Variants in PRKN observed in about 807,000 individuals in gnomAD.
PRKN encodes parkin RBR E3 ubiquitin protein ligase.
PRKN carries 56 observed loss-of-function variants against 59.5 expected under a neutral mutation model. The observed-to-expected ratio is 0.94, with a 90% CI of 0.76 to 1.18. The LOEUF (loss-of-function observed/expected upper bound fraction) is 1.18, where lower values mean the gene tolerates loss of function less well. PRKN is among the 50% of genes most tolerant of loss of function. The pLI is 0.00. For synonymous variants in PRKN, 250 were observed against 222.1 expected, an observed-to-expected ratio of 1.13 and a Z score of -1.12; for missense variants, 657 against 596.4, an observed-to-expected ratio of 1.10 and a Z score of -1.06.
At chr6:161,494,209 G>A (rs1777660500) in intron 9 of PRKN, among the ~76,000 whole-genome samples, 1 of 152,090 alleles carries the variant, frequency 6.6e-6, no homozygotes, top group South Asian at 2.1e-4. Context: ...ATGCCCACTG[G>A]GTTACTCAGT....
intron 1 of PRKN, among the ~76,000 whole-genome samples, chr6:162,599,605 G>A (rs35760705): frequency 0.12 from 18,849 of 152,142 alleles, 1,295 homozygotes; most frequent in Middle Eastern, 0.2. Flanking sequence ...GGCAGGCTGC[G>A]TGGGTTATTC....
intron 5 of PRKN, among the ~76,000 whole-genome samples, chr6:162,019,598 C>T (rs1582903960): frequency 1.3e-5 from 2 of 152,152 alleles, no homozygotes; most frequent in African/African-American, 4.8e-5. Context: ...CTGAAGAGTG[C>T]TTCTGGAGCT....
intron 2 of PRKN, among the ~76,000 whole-genome samples, chr6:162,378,307 T>G (rs1460490534): frequency 6.6e-6 from 1 of 152,242 alleles, no homozygotes; most frequent in Non-Finnish European, 1.5e-5. Flanking sequence ...TCGTTCTTCC[T>G]AAATCCCAGA....
At chr6:162,256,272 C>A (rs1017832135) in intron 3 of PRKN, among the ~76,000 whole-genome samples, 1 of 152,000 alleles carries the variant, frequency 6.6e-6, no homozygotes, top group African/African-American at 2.4e-5. Context: ...TTCTGTTTTT[C>A]TTACATAAGT....
intron 6 of PRKN, among the ~76,000 whole-genome samples, chr6:161,949,950 C>A (rs1779925421): frequency 6.6e-6 from 1 of 152,188 alleles, no homozygotes; most frequent in African/African-American, 2.4e-5. Context: ...CTTTGCAAAG[C>A]ATCTCCTCAT....
chr6:162,287,545 G>A (rs1781249623), intron 2 of PRKN, among the ~76,000 whole-genome samples: 2 of 152,066 alleles, frequency 1.3e-5, no homozygotes, highest in Admixed American at 6.6e-5. Context: ...TCCAGCCCGG[G>A]CAACAGAGAG....
At chr6:161,708,138 T>C (rs1171058900) in intron 7 of PRKN, among the ~76,000 whole-genome samples, 1 of 152,104 alleles carries the variant, frequency 6.6e-6, no homozygotes, top group Non-Finnish European at 1.5e-5. Context: ...ATTATAATGA[T>C]AGAATTAGTG....
intron 6 of PRKN, among the ~76,000 whole-genome samples, chr6:161,873,404 A>G (rs1351385174): frequency 6.6e-6 from 1 of 152,000 alleles, no homozygotes; most frequent in Admixed American, 6.6e-5. Flanking sequence ...CACAGTCACG[A>G]GACAGAAGAG....
intron 1 of PRKN, among the ~76,000 whole-genome samples, chr6:162,700,195 G>T (rs1778103659): frequency 6.6e-6 from 1 of 152,084 alleles, no homozygotes. Context: ...CCATGCTTAG[G>T]CATGTTAAAC....
chr6:162,677,063 CAAA>C (rs536705591), intron 1 of PRKN, among the ~76,000 whole-genome samples: 182 of 90,284 alleles, frequency 2.0e-3, no homozygotes, highest in Middle Eastern at 0.019. Flanking sequence ...ACATCTCAAT[CAAA>C]AAAAAAAAAA....
At chr6:161,677,954 T>A (rs1468971350) in intron 7 of PRKN, among the ~76,000 whole-genome samples, 1 of 152,192 alleles carries the variant, frequency 6.6e-6, no homozygotes, top group Non-Finnish European at 1.5e-5. Context: ...AAAAATCTTT[T>A]AAGAACTGCC....
rs1554275651 is a variant in PRKN, at chr6:161,554,431, C to CACACAT, written c.934-5429_934-5428insATGTGT. On this transcript the variant is annotated intron_variant, in intron 8 of 11. Coordinates refer to ENST00000366898, the MANE Select transcript of PRKN (RefSeq NM_004562.3). The surrounding 1 kb of genome is among the most constrained non-coding windows in gnomAD (Gnocchi z 4.5). ...ACACACACACACACACACACACACA[C>CACACAT]GCATGCAGGCACAACCATCAGTACT... Among the ~76,000 whole-genome samples the CACACAT allele has an allele frequency of 1.3e-4, 19 of 151,088 alleles. No homozygotes were observed. The highest frequency in any genetic ancestry group is 4.4e-4 in the African/African-American group (18 of 41,094).
chr6:162,470,281 C>T (rs1791664747), intron 1 of PRKN, among the ~76,000 whole-genome samples: 1 of 152,186 alleles, frequency 6.6e-6, no homozygotes, highest in Non-Finnish European at 1.5e-5. Flanking sequence ...TTCATTCACT[C>T]AACCAATGCT....
Position 161,500,911 on chromosome 6 carries a change from T to C in PRKN, c.1083+47943A>G, listed in dbSNP as rs572197821. 4.2e-5 allele frequency among the ~76,000 whole-genome samples: 6 copies of C among 142,726 alleles called. No homozygotes were observed. The South Asian group carries it at 6.9e-4, about 16-fold the overall frequency. 93.6% of individuals were successfully genotyped at this position (142,726 alleles called of 152,430 possible). ...TTTTTTTTGAGACCAAGTCTCCCTC[T>C]GTCGCCCGGGCTGGAGTGCAATGGC... On this transcript the variant is annotated intron_variant, in intron 9 of 11. Transcript: ENST00000366898.
Position 161,398,951 on chromosome 6 carries a change from C to G in PRKN, c.1084-12074G>C, listed in dbSNP as rs186439857. ...ACCCATGGCCCTAAATGGGAACAGG[C>G]ATTCCTGTTTTCACACCCAAATGTT... On this transcript the variant is annotated intron_variant, in intron 9 of 11. Coordinates refer to ENST00000366898, the MANE Select transcript of PRKN (RefSeq NM_004562.3). Among the ~76,000 whole-genome samples, 165 of 152,328 alleles carry G rather than the reference C, an allele frequency of 1.1e-3. 2 individuals carry two copies. The highest frequency in any genetic ancestry group is 2.2e-3 in the Admixed American group (34 of 15,310).
Position 162,315,434 on chromosome 6 carries a change from A to G in PRKN, c.172-52669T>C, listed in dbSNP as rs560932928. ...AGTACTAATAACCAAGCTATGACCA[A>G]CTGCCTCAAAAGCAGGGTTGCCAGG... On this transcript the variant is annotated intron_variant, in intron 2 of 11. Transcript: ENST00000366898. Among the ~76,000 whole-genome samples, 28 of 152,310 alleles carry G rather than the reference A, an allele frequency of 1.8e-4. No individual in the cohort carries two copies. In the South Asian group the frequency reaches 5.4e-3, roughly 29 times the overall value.
chr6:162,610,576 C>A (rs1782105908), intron 1 of PRKN, among the ~76,000 whole-genome samples: 1 of 152,084 alleles, frequency 6.6e-6, no homozygotes, highest in African/African-American at 2.4e-5. Flanking sequence ...ACCATAGCAA[C>A]AAAGTAAGAT....
rs897879262 is a variant in PRKN at position 162,577,948 on chromosome 6, A to T, written c.8-134475T>A. Among the ~76,000 whole-genome samples, 3 of 152,212 alleles carry T rather than the reference A, an allele frequency of 2.0e-5. No individual in the cohort carries two copies. In the East Asian group the frequency reaches 5.8e-4, roughly 29 times the overall value. On this transcript the variant is annotated intron_variant, in intron 1 of 11. Transcript: ENST00000366898. ...TGTCTCAAAAACCTATAATTAATTT[A>T]AAAAATTTTGAAAACTAAATAAATA...
chr6:161,950,869 G>T (rs762420169), intron 6 of PRKN, among the ~76,000 whole-genome samples: 16 of 151,756 alleles, frequency 1.1e-4, no homozygotes, highest in Non-Finnish European at 1.6e-4. Flanking sequence ...AGGGCTAGAA[G>T]AGGGAGTTTC....
Sources: allele counts gnomAD v4.1 joint callset (sites outside exome capture counted in the v4.1 genomes callset), GRCh38; gene constraint gnomAD v4.1.1; non-coding constraint Gnocchi (gnomAD v3.1); transcripts MANE v1.5; gene names NCBI Gene and HGNC (gene_info 2026-07-23, HGNC 2026-07-21).